The following LEKR1 variants were observed in gnomAD, a reference collection of about 807,000 sequenced individuals.
LEKR1 encodes the protein protein LEKR1.
In LEKR1, 59 loss-of-function variants were observed where a neutral mutation model predicts 72.4. The observed-to-expected ratio is 0.82, with a 90% confidence interval of 0.66 to 1.01. The LOEUF is 1.01. Among genes scored for constraint, LEKR1 ranks in the 50% least tolerant of loss-of-function variants. The probability of loss-of-function intolerance (pLI) is 0.00; values close to 1 mark genes in which losing one functional copy is unlikely to be tolerated. For missense variants in LEKR1, 728 were observed against 759.2 expected, an observed-to-expected ratio of 0.96 and a Z score of 0.48; for synonymous variants, 257 against 263.2, an observed-to-expected ratio of 0.98 and a Z score of 0.23.
intron 2 of LEKR1, among the ~76,000 whole-genome samples, chr3:156,831,718 C>T (rs984145247): frequency 2.0e-5 from 3 of 152,138 alleles, no homozygotes; most frequent in African/African-American, 7.2e-5. Context: ...ATGAGAAGAG[C>T]ATGATAAAGG....
intron 7 of LEKR1, among the ~76,000 whole-genome samples, chr3:156,991,198 G>A (rs1322625751): frequency 2.6e-5 from 4 of 151,974 alleles, no homozygotes; most frequent in South Asian, 4.2e-4. Flanking sequence ...TTTAGGGAGC[G>A]GGGAGTTGGC....
At chr3:156,977,622 G>A (rs553234050) in intron 6 of LEKR1, 8 of 270,498 alleles carry the variant, frequency 3.0e-5, no homozygotes, top group African/African-American at 1.1e-4. Flanking sequence ...AAGTTTCCAC[G>A]TGAAATCATA....
chr3:156,899,679 C>CATATATACAT (rs1721774619), intron 3 of LEKR1, among the ~76,000 whole-genome samples: 1 of 140,434 alleles, frequency 7.1e-6, no homozygotes, highest in Admixed American at 7.4e-5. Context: ...CATATATACA[C>CATATATACAT]GCATATATAC....
intron 7 of LEKR1, among the ~76,000 whole-genome samples, chr3:156,991,055 G>A (rs1287859093): frequency 6.6e-6 from 1 of 152,114 alleles, no homozygotes. Flanking sequence ...CAAAAATAGG[G>A]CAGTGGCAGA....
At chr3:156,979,830 C>G (rs1027195046) in intron 7 of LEKR1, 1 of 152,262 alleles carries the variant, frequency 6.6e-6, no homozygotes, top group South Asian at 2.1e-4. Flanking sequence ...CTGGGCAACA[C>G]GGAGAAACTT....
At chr3:156,990,126 C>T (rs1242690495) in intron 7 of LEKR1, among the ~76,000 whole-genome samples, 1 of 151,994 alleles carries the variant, frequency 6.6e-6, no homozygotes, top group Non-Finnish European at 1.5e-5. Flanking sequence ...CTTTTAATGA[C>T]ACTGAATTTT....
chr3:156,884,061 A>G (rs987644082), intron 3 of LEKR1, among the ~76,000 whole-genome samples: 2 of 152,236 alleles, frequency 1.3e-5, no homozygotes, highest in African/African-American at 4.8e-5. Flanking sequence ...TTGCTTTAAC[A>G]TCAGTTTTGT....
At chr3:156,913,219 T>A (rs1723283218) in intron 3 of LEKR1, among the ~76,000 whole-genome samples, 1 of 152,234 alleles carries the variant, frequency 6.6e-6, no homozygotes, top group Non-Finnish European at 1.5e-5. Flanking sequence ...AAGTTTCTTT[T>A]TGCAGTATGG....
At chr3:157,011,569 T>C in intron 10 of LEKR1, 63 bp downstream of exon 10, 2 of 1,103,824 alleles carry the variant, frequency 1.8e-6, no homozygotes, top group Admixed American at 3.5e-5. Context: ...TCTGACCATT[T>C]GTCAGAAGAC....
chr3:156,975,445 G>A (rs949423857), intron 6 of LEKR1, among the ~76,000 whole-genome samples: 13 of 152,146 alleles, frequency 8.5e-5, no homozygotes, highest in African/African-American at 2.9e-4. Context: ...TATCCAGTAA[G>A]TTTTAAGCTT....
At chr3:156,847,457 C>T (rs758961148) in intron 2 of LEKR1, among the ~76,000 whole-genome samples, 17 of 152,002 alleles carry the variant, frequency 1.1e-4, no homozygotes, top group East Asian at 9.6e-4. Context: ...ACTTTCAAAA[C>T]GAGAGGATGA....
At chr3:156,902,887 T>C (rs1403494667) in intron 3 of LEKR1, among the ~76,000 whole-genome samples, 3 of 152,046 alleles carry the variant, frequency 2.0e-5, no homozygotes, top group Non-Finnish European at 2.9e-5. Context: ...TTTAATATCC[T>C]GATTTTAAAA....
chr3:157,040,835 A>G (rs755696522), intron 12 of LEKR1, among the ~76,000 whole-genome samples: 6 of 152,190 alleles, frequency 3.9e-5, no homozygotes, highest in Middle Eastern at 3.2e-3. Context: ...GTTCCCCCCA[A>G]AATTGTGCCA....
At chr3:156,869,493 G>T (rs1479874245) in intron 3 of LEKR1, among the ~76,000 whole-genome samples, 1 of 151,804 alleles carries the variant, frequency 6.6e-6, no homozygotes, top group Non-Finnish European at 1.5e-5. Context: ...CTATTTGTAT[G>T]TCTTCCTTAG....
At chr3:156,956,787 A>G (rs1457870248) in intron 6 of LEKR1, among the ~76,000 whole-genome samples, 1 of 152,062 alleles carries the variant, frequency 6.6e-6, no homozygotes, top group African/African-American at 2.4e-5. Context: ...ATGATATATG[A>G]AGTGTTAAAA....
chr3:156,937,630 T>G (rs1440552640), intron 5 of LEKR1, among the ~76,000 whole-genome samples: 1 of 152,214 alleles, frequency 6.6e-6, no homozygotes, highest in Admixed American at 6.5e-5. Flanking sequence ...AAACTGAAGA[T>G]GCACTTACCA....
At chr3:156,882,494 A>G in intron 3 of LEKR1, among the ~76,000 whole-genome samples, 1 of 152,178 alleles carries the variant, frequency 6.6e-6, no homozygotes, top group Non-Finnish European at 1.5e-5. Flanking sequence ...TTAAAAAGTC[A>G]GGAAACAACA....
intron 3 of LEKR1, among the ~76,000 whole-genome samples, chr3:156,900,184 A>G (rs991168182): frequency 1.3e-5 from 2 of 152,186 alleles, no homozygotes; most frequent in South Asian, 2.1e-4. Flanking sequence ...TTTTGTGGGA[A>G]GAATGTGGGT....
At chr3:156,999,206 A>G (rs1024345268) in intron 9 of LEKR1, among the ~76,000 whole-genome samples, 4 of 152,142 alleles carry the variant, frequency 2.6e-5, no homozygotes, top group Non-Finnish European at 4.4e-5. Context: ...TAAATTACCC[A>G]GTCTCGGGCA....
Sources: gnomAD v4.1 joint callset for allele counts (sites outside exome capture counted in the v4.1 genomes callset) on GRCh38, gnomAD v4.1.1 for gene constraint, MANE v1.5 for transcripts, NCBI Gene and HGNC (gene_info 2026-07-23, HGNC 2026-07-21) for gene names.